The following DPP10 variants were observed in gnomAD, a reference collection of about 807,000 sequenced individuals.
The protein encoded by DPP10 is dipeptidyl peptidase like 10, also known as inactive dipeptidyl peptidase 10.
A neutral mutation model predicts 120.9 loss-of-function variants in DPP10; 33 were observed. That is an observed-to-expected ratio of 0.27 (90% CI 0.21 to 0.37). The LOEUF (loss-of-function observed/expected upper bound fraction) is 0.37, where lower values mean the gene tolerates loss of function less well. Ranked by LOEUF, DPP10 falls within the 10% of genes least tolerant of loss-of-function variation. The pLI is 1.00. For missense variants in DPP10, 816 were observed against 942.8 expected (o/e 0.87, Z 1.76); for synonymous variants, 337 against 326.1 (o/e 1.03, Z -0.36).
rs185123022 is a variant in DPP10, at chr2:115,839,655, C to G, written c.2183-1095C>G. ...TACCACTGCACTCCAGCCTGGGCAA[C>G]AGAGCAAGACTCCATCTCAAAAAAA... On this transcript the variant is annotated intron_variant, in intron 24 of 25. Coordinates refer to ENST00000410059, the MANE Select transcript of DPP10 (RefSeq NM_020868.6). Among the ~76,000 whole-genome samples, 385 of 119,204 alleles carry G rather than the reference C, an allele frequency of 3.2e-3. 2 individuals carry two copies. The highest frequency in any genetic ancestry group is 0.014 in the Middle Eastern group (2 of 146). 78.2% of individuals were successfully genotyped at this position (119,204 alleles called of 152,430 possible).
chr2:114,751,137 G>A (rs1679180031), intron 1 of DPP10, among the ~76,000 whole-genome samples: 1 of 152,184 alleles, frequency 6.6e-6, no homozygotes, highest in African/African-American at 2.4e-5. Context: ...ATGGCAAAGA[G>A]GTTTAAATAA....
chr2:115,361,902 G>T (rs1232082829), intron 3 of DPP10, among the ~76,000 whole-genome samples: 2 of 152,016 alleles, frequency 1.3e-5, no homozygotes, highest in Non-Finnish European at 2.9e-5. Context: ...GCTGCATCTA[G>T]TCAGCTATGT....
At chr2:114,467,774 T>G (rs72949871) in intron 1 of DPP10, among the ~76,000 whole-genome samples, 9,533 of 152,048 alleles carry the variant, frequency 0.063, 512 homozygotes, top group African/African-American at 0.14. Context: ...TTTAGGTGGG[T>G]GGATAGCTTG....
intron 3 of DPP10, among the ~76,000 whole-genome samples, chr2:115,424,071 A>G (rs1339195929): frequency 5.3e-5 from 8 of 152,152 alleles, no homozygotes; most frequent in Admixed American, 3.9e-4. Context: ...TGGACTCTAT[A>G]TAACTTTCCT....
intron 5 of DPP10, among the ~76,000 whole-genome samples, chr2:115,641,830 C>G (rs180722601): frequency 6.6e-6 from 1 of 152,184 alleles, no homozygotes; most frequent in East Asian, 1.9e-4. Flanking sequence ...CAAAACAAAA[C>G]CTTTTCTTAT....
intron 1 of DPP10, among the ~76,000 whole-genome samples, chr2:115,014,175 T>A (rs1430899788): frequency 2.0e-5 from 3 of 152,136 alleles, no homozygotes; most frequent in Non-Finnish European, 2.9e-5. Context: ...AAATTAGAAC[T>A]CGAGATTAAG....
At chr2:114,671,622 G>A (rs976307740) in intron 1 of DPP10, among the ~76,000 whole-genome samples, 2 of 152,070 alleles carry the variant, frequency 1.3e-5, no homozygotes, top group Non-Finnish European at 2.9e-5. Context: ...GCATCCACTG[G>A]GGGTCTTGGA....
chr2:114,734,629 G>A (rs1281818673), intron 1 of DPP10, among the ~76,000 whole-genome samples: 1 of 152,126 alleles, frequency 6.6e-6, no homozygotes, highest in Admixed American at 6.5e-5. Flanking sequence ...ACAGGCCATG[G>A]TCACTCATAT....
At chr2:115,603,560 G>GTTTTTTTTTTTT (rs10637786) in intron 5 of DPP10, among the ~76,000 whole-genome samples, 7 of 126,420 alleles carry the variant, frequency 5.5e-5, no homozygotes, top group Non-Finnish European at 1.1e-4. Context: ...CGTTGTTGTT[G>GTTTTTTTTTTTT]TTTTTTTTTG....
intron 1 of DPP10, among the ~76,000 whole-genome samples, chr2:115,100,634 A>T (rs2048647263): frequency 6.6e-6 from 1 of 152,104 alleles, no homozygotes; most frequent in African/African-American, 2.4e-5. Context: ...AGGTATCCAA[A>T]GTGGCGGTAA....
chr2:114,671,105 G>A (rs930715206), intron 1 of DPP10, among the ~76,000 whole-genome samples: 1 of 152,104 alleles, frequency 6.6e-6, no homozygotes, highest in African/African-American at 2.4e-5. Context: ...TATAGTTATT[G>A]ATATCTAGTT....
intron 1 of DPP10, among the ~76,000 whole-genome samples, chr2:114,767,947 C>A (rs1374319483): frequency 1.3e-5 from 2 of 151,812 alleles, no homozygotes; most frequent in Non-Finnish European, 2.9e-5. Context: ...ATGATGAAAC[C>A]TGAAACCCCA....
chr2:114,993,580 G>GTATATATATATATATATATA lies in DPP10; in HGVS notation c.61-315651_61-315632dup, dbSNP rs59593945. 6.0e-3 allele frequency among the ~76,000 whole-genome samples: 584 copies of GTATATATATATATATATATA among 97,176 alleles called. 13 individuals are homozygous for GTATATATATATATATATATA. The highest frequency in any genetic ancestry group is 7.4e-3 in the Non-Finnish European group (366 of 49,582). 63.8% of individuals were successfully genotyped at this position (97,176 alleles called of 152,430 possible). A position where few individuals can be genotyped will look rare whatever the true frequency, so the allele number is the denominator to read the frequency against. ...ATTCTTATTATGTGTGTGTGTGTGT[G>GTATATATATATATATATATA]TATATATATATATATATATATATAT... is the stretch of plus-strand genomic sequence containing the variant. On this transcript the variant is annotated intron_variant, in intron 1 of 25. Transcript: ENST00000410059.
At chr2:115,709,568 A>G (rs2092249065) in intron 7 of DPP10, among the ~76,000 whole-genome samples, 2 of 151,858 alleles carry the variant, frequency 1.3e-5, no homozygotes, top group South Asian at 4.1e-4. Context: ...CAGATACACG[A>G]AGAATATTAA....
chr2:114,507,360 T>C (rs1049300518), intron 1 of DPP10, among the ~76,000 whole-genome samples: 1 of 152,166 alleles, frequency 6.6e-6, no homozygotes, highest in Non-Finnish European at 1.5e-5. Flanking sequence ...TCAGTTTTCA[T>C]TTGCATTGTT....
At chr2:115,473,352 A>G (rs978382361) in intron 3 of DPP10, among the ~76,000 whole-genome samples, 8 of 152,188 alleles carry the variant, frequency 5.3e-5, no homozygotes, top group African/African-American at 1.9e-4. Flanking sequence ...ACAGTTCCTT[A>G]AAATGAACTC....
chr2:114,888,210 C>G (rs1692238863), intron 1 of DPP10, among the ~76,000 whole-genome samples: 1 of 151,172 alleles, frequency 6.6e-6, no homozygotes, highest in Admixed American at 6.6e-5. Context: ...TAGAAGACAC[C>G]AATGCCTGTG....
chr2:114,781,385 G>C (rs12613758), intron 1 of DPP10, among the ~76,000 whole-genome samples: 1 of 152,230 alleles, frequency 6.6e-6, no homozygotes, highest in East Asian at 1.9e-4. Context: ...TAAAATATCA[G>C]CAAGTGGTTA....
chr2:115,834,504 A>T (rs1252315858), intron 21 of DPP10, among the ~76,000 whole-genome samples: 2 of 148,238 alleles, frequency 1.3e-5, no homozygotes, highest in Admixed American at 6.8e-5. Flanking sequence ...TCAGTAGGTC[A>T]TTTTTTTTTT....
Sources: allele counts gnomAD v4.1 joint callset (sites outside exome capture counted in the v4.1 genomes callset), GRCh38; gene constraint gnomAD v4.1.1; transcripts MANE v1.5; gene names NCBI Gene and HGNC (gene_info 2026-07-23, HGNC 2026-07-21).